The following GRIN2A variants were observed in gnomAD, a reference collection of about 807,000 sequenced individuals.
The protein encoded by GRIN2A is glutamate receptor ionotropic, NMDA 2A.
GRIN2A carries 22 observed loss-of-function variants against 113.4 expected under a neutral mutation model. The observed-to-expected ratio is 0.19, with a 90% CI of 0.14 to 0.28. GRIN2A has a LOEUF of 0.28. GRIN2A is among the 10% of genes least tolerant of loss of function. The probability of loss-of-function intolerance (pLI) is 1.00; values close to 1 mark genes in which losing one functional copy is unlikely to be tolerated. For synonymous variants in GRIN2A, 827 were observed against 738.4 expected, an observed-to-expected ratio of 1.12 and a Z score of -1.94; for missense variants, 1,502 against 1,887.0, an observed-to-expected ratio of 0.80 and a Z score of 3.78.
At chr16:10,077,537 C>A (rs1483152661) in intron 2 of GRIN2A, among the ~76,000 whole-genome samples, 1 of 152,228 alleles carries the variant, frequency 6.6e-6, no homozygotes, top group South Asian at 2.1e-4. Context: ...TGCCCTCTTA[C>A]AATCCAGTAT....
chr16:9,839,898 G>A (rs1000535113), intron 7 of GRIN2A, among the ~76,000 whole-genome samples: 9 of 152,228 alleles, frequency 5.9e-5, no homozygotes, highest in Admixed American at 3.9e-4. Flanking sequence ...AGAACTGCCC[G>A]AGGATCACTT....
At chr16:9,921,818 G>A (rs550519045) in intron 3 of GRIN2A, among the ~76,000 whole-genome samples, 6 of 152,158 alleles carry the variant, frequency 3.9e-5, no homozygotes, top group Non-Finnish European at 7.3e-5. Context: ...GCACCTAGGT[G>A]TGGGAGAAAG....
chr16:10,102,587 C>T (rs907386029), intron 2 of GRIN2A, among the ~76,000 whole-genome samples: 1 of 151,872 alleles, frequency 6.6e-6, no homozygotes, highest in Non-Finnish European at 1.5e-5. Context: ...CACTCTATTG[C>T]CCAGGCTGTA....
chr16:10,105,705 G>C (rs894032092), intron 2 of GRIN2A, among the ~76,000 whole-genome samples: 4 of 152,092 alleles, frequency 2.6e-5, no homozygotes, highest in Admixed American at 2.6e-4. Context: ...TTAGGAGTTT[G>C]AGATCAGCCT....
At chr16:9,878,724 T>G (rs146775683) in intron 4 of GRIN2A, among the ~76,000 whole-genome samples, 2 of 152,276 alleles carry the variant, frequency 1.3e-5, no homozygotes, top group African/African-American at 4.8e-5. Flanking sequence ...TTCTGAAATC[T>G]GAAAAACTTT....
At chr16:9,881,089 T>C (rs1057291331) in intron 4 of GRIN2A, among the ~76,000 whole-genome samples, 14 of 152,256 alleles carry the variant, frequency 9.2e-5, no homozygotes, top group African/African-American at 3.4e-4. Context: ...TAAGTTCTAT[T>C]ATCTCTGTTG....
intron 2 of GRIN2A, among the ~76,000 whole-genome samples, chr16:10,134,793 T>C (rs1323441880): frequency 6.6e-6 from 1 of 152,188 alleles, no homozygotes; most frequent in African/African-American, 2.4e-5. Flanking sequence ...AAAATGGTTC[T>C]TCACAGTTCT....
intron 2 of GRIN2A, among the ~76,000 whole-genome samples, chr16:10,063,217 T>A (rs1216001871): frequency 1.3e-5 from 2 of 152,126 alleles, no homozygotes; most frequent in Non-Finnish European, 2.9e-5. Context: ...CTGGGGATGA[T>A]GATAAGTGTG....
At chr16:10,140,589 T>A (rs2049305981) in intron 2 of GRIN2A, among the ~76,000 whole-genome samples, 1 of 152,222 alleles carries the variant, frequency 6.6e-6, no homozygotes, top group Non-Finnish European at 1.5e-5. Context: ...GGGAACCAAC[T>A]GTCCCCACTT....
intron 10 of GRIN2A, among the ~76,000 whole-genome samples, chr16:9,815,021 C>CA (rs60827287): frequency 3.2e-3 from 241 of 76,180 alleles, no homozygotes; most frequent in Middle Eastern, 0.018. Flanking sequence ...AACTCCGTTT[C>CA]AAAAAAAAAA....
intron 3 of GRIN2A, among the ~76,000 whole-genome samples, chr16:9,919,851 T>C (rs2044325767): frequency 6.6e-6 from 1 of 152,208 alleles, no homozygotes; most frequent in South Asian, 2.1e-4. Flanking sequence ...ATTTCCCAGT[T>C]CCAGGTCTTT....
intron 2 of GRIN2A, among the ~76,000 whole-genome samples, chr16:10,098,937 C>T (rs1340198298): frequency 7.9e-6 from 1 of 126,398 alleles, no homozygotes; most frequent in African/African-American, 2.7e-5. Flanking sequence ...CCCCCCTCCC[C>T]CCCCCAAAAA....
At chr16:9,847,216 A>C (rs965168600) in intron 5 of GRIN2A, among the ~76,000 whole-genome samples, 1 of 152,150 alleles carries the variant, frequency 6.6e-6, no homozygotes, top group Admixed American at 6.6e-5. Context: ...TGTGGGGGGA[A>C]GGAAAGGGAC....
intron 3 of GRIN2A, among the ~76,000 whole-genome samples, chr16:9,924,892 C>G (rs1052104918): frequency 1.1e-4 from 17 of 152,076 alleles, no homozygotes; most frequent in Admixed American, 1.1e-3. Context: ...CTCTATGTCT[C>G]CACTTGAATT....
intron 2 of GRIN2A, among the ~76,000 whole-genome samples, chr16:10,039,696 G>A (rs955312445): frequency 4.0e-5 from 6 of 150,428 alleles, no homozygotes; most frequent in African/African-American, 1.5e-4. Context: ...GGGGCCTTTC[G>A]AAGGACCAGG....
intron 4 of GRIN2A, among the ~76,000 whole-genome samples, chr16:9,886,012 C>G (rs9937440): frequency 0.028 from 4,322 of 152,304 alleles, 212 homozygotes; most frequent in African/African-American, 0.099. Flanking sequence ...TCAAGGGCAG[C>G]TGTCACCTGC....
At position 9,773,223 on chromosome 16, in the gene GRIN2A, T is replaced by G. The variant is rs187987561; in HGVS notation, c.2357-4134A>C. On this transcript the variant is annotated intron_variant, in intron 11 of 12. Coordinates refer to ENST00000330684, the MANE Select transcript of GRIN2A (RefSeq NM_001134407.3). Reference sequence around the variant, plus strand: ...TTTTCTTACATCCCCAGGCTTAAACTGGGCAGCATTGCAGAAGTGTTCAAA... The same window carrying G: ...TTTTCTTACATCCCCAGGCTTAAACGGGGCAGCATTGCAGAAGTGTTCAAA... Among the ~76,000 whole-genome samples the G allele has an allele frequency of 2.7e-3, 409 of 152,342 alleles. 5 individuals are homozygous for G. The highest frequency in any genetic ancestry group is 6.8e-4 in the Non-Finnish European group (46 of 68,034).
chr16:10,075,764 G>C (rs2047860015), intron 2 of GRIN2A, among the ~76,000 whole-genome samples: 1 of 152,110 alleles, frequency 6.6e-6, no homozygotes, highest in African/African-American at 2.4e-5. Context: ...AATCAGACAA[G>C]TGTTAGAAGG....
chr16:9,789,352 A>C (rs1902446252), intron 11 of GRIN2A, among the ~76,000 whole-genome samples: 1 of 152,176 alleles, frequency 6.6e-6, no homozygotes, highest in African/African-American at 2.4e-5. Context: ...GGGCCCCTGA[A>C]GGTACAGTCC....
Sources: allele counts gnomAD v4.1 joint callset (sites outside exome capture counted in the v4.1 genomes callset), GRCh38; gene constraint gnomAD v4.1.1; transcripts MANE v1.5; gene names NCBI Gene and HGNC (gene_info 2026-07-23, HGNC 2026-07-21).